The following PANK4 variants were observed in gnomAD, a reference collection of about 807,000 sequenced individuals.
PANK4 encodes the protein 4'-phosphopantetheine phosphatase.
PANK4 carries 40 observed loss-of-function variants against 87.9 expected under a neutral mutation model. The ratio of observed to expected loss-of-function variants is 0.46; its 90% CI spans 0.35 to 0.59. The LOEUF (loss-of-function observed/expected upper bound fraction) is 0.59. PANK4 is among the 20% of genes least tolerant of loss of function. The pLI, the probability that PANK4 is intolerant of heterozygous loss-of-function variation, is 0.00. For synonymous variants in PANK4, 524 were observed against 467.4 expected (o/e 1.12, Z -1.56); for missense variants, 926 against 1,072.3 (o/e 0.86, Z 1.90).
intron 12 of PANK4, 39 bp downstream of exon 12, chr1:2,513,963 G>A: frequency 1.4e-6 from 2 of 1,436,640 alleles, no homozygotes; most frequent in South Asian, 2.3e-5. Context: ...GCGGGACGGG[G>A]ACAAGAGCGA....
chr1:2,508,544 A>AAATTT lies in PANK4; in HGVS notation c.*302_*303insAAATT, dbSNP rs1296104859. 1.8e-5 allele frequency: 3 copies of AAATTT among 165,086 alleles called. No individual in the cohort carries two copies. The highest frequency in any genetic ancestry group is 7.2e-5 in the African/African-American group (3 of 41,672). 10.2% of individuals were successfully genotyped at this position (165,086 alleles called of 1,614,324 possible). ...ATCGCAGATGGCTCCGGCCTCTTTT[A>AAATTT]AAAACTCTATTTGGTGCGTGCCCAC... On this transcript the variant is annotated 3_prime_UTR_variant, in exon 19 of 19. Coordinates refer to ENST00000378466, the MANE Select transcript of PANK4 (RefSeq NM_018216.4). The surrounding 1 kb of genome is among the most constrained non-coding windows in gnomAD (Gnocchi z 5.1).
chr1:2,517,972 G>A (rs1643812859), intron 9 of PANK4, among the ~76,000 whole-genome samples, 192 bp downstream of exon 9: 2 of 152,206 alleles, frequency 1.3e-5, no homozygotes, highest in South Asian at 4.1e-4. Flanking sequence ...ACCCAATGAG[G>A]GAGATGGGAA....
In PANK4 at chr1:2,520,924, AC is replaced by A; in HGVS notation, c.423-19del. ...TGTCGACTCTGAAAAGGAAGCGCCA[AC>A]CCCTTAAAGAGTCTGGGCCACAGAC... On this transcript the variant is annotated intron_variant, in intron 3 of 18. Coordinates refer to ENST00000378466, the MANE Select transcript of PANK4 (RefSeq NM_018216.4). This position sits in a 1 kb window ranked among gnomAD's most constrained non-coding sequence, Gnocchi z 6.2. 1 of 1,542,634 alleles carries A rather than the reference AC, an allele frequency of 6.5e-7. No homozygotes were observed. Among genetic ancestry groups the A allele is most frequent in the Non-Finnish European group, 8.7e-7 (1 of 1,145,870 alleles).
Position 2,509,845 on chromosome 1 carries a change from G to C in PANK4, c.2108+17C>G. ...AGAGCCCAGGAGGGAGAGAACAGGT[G>C]CAGGGTGCGGGGTTACCTGAGGTCG... On this transcript the variant is annotated intron_variant, in intron 18 of 18. Coordinates refer to ENST00000378466, the MANE Select transcript of PANK4 (RefSeq NM_018216.4). The surrounding 1 kb of genome is among the most constrained non-coding windows in gnomAD (Gnocchi z 4.9). 6.2e-7 allele frequency: 1 copy of C among 1,607,182 alleles called. No homozygotes were observed. The highest frequency in any genetic ancestry group is 8.5e-7 in the Non-Finnish European group (1 of 1,176,440).
rs762448493 is a variant in PANK4, at chr1:2,510,152, G to A, written c.1944C>T (p.Ile648=). The A allele has an allele frequency of 3.1e-6, 5 of 1,598,208 alleles. No homozygotes were observed. The highest frequency in any genetic ancestry group is 2.6e-6 in the Non-Finnish European group (3 of 1,170,458). The change falls in exon 17 of 19, where the codon ATC becomes ATT. Residue 648 remains isoleucine, a synonymous_variant. Transcript: ENST00000378466. The surrounding 1 kb of genome is among the most constrained non-coding windows in gnomAD (Gnocchi z 4.9). ...RELLLRGTEV[I]LACNSGPALN... ...GGGCGGGGCCTGAGTTGCACGCCAG[G>A]ATGACCTGCAGGAGGAGGGCCCAGG...
chr1:2,510,785 G>C lies in PANK4; in HGVS notation c.1834-3C>G. On this transcript the variant is annotated splice_polypyrimidine_tract_variant and splice_region_variant and intron_variant, in intron 15 of 18. Transcript: ENST00000378466. This position sits in a 1 kb window ranked among gnomAD's most constrained non-coding sequence, Gnocchi z 4.9. ...AAGGCACATTTATGAGGGGGCCCCTGTAAGACAAAACCAGGACGTTCAGTT... is the reference window on the plus strand; with the variant it reads ...AAGGCACATTTATGAGGGGGCCCCTCTAAGACAAAACCAGGACGTTCAGTT... 6.3e-7 allele frequency: 1 copy of C among 1,579,838 alleles called. No individual in the cohort carries two copies. The highest frequency in any genetic ancestry group is 8.7e-7 in the Non-Finnish European group (1 of 1,149,558).
chr1:2,522,632 AAAC>A (rs149353037), intron 1 of PANK4, among the ~76,000 whole-genome samples: 5,366 of 151,654 alleles, frequency 0.035, 244 homozygotes, highest in African/African-American at 0.11. Context: ...CATAGATTTG[AAAC>A]AACATGAATG....
At chr1:2,513,131 C>T in intron 12 of PANK4, 92 bp from the exon 13 acceptor site, 1 of 1,392,126 alleles carries the variant, frequency 7.2e-7, no homozygotes, top group Non-Finnish European at 9.8e-7. Context: ...CATACCACGC[C>T]CCTCAGGATC....
Position 2,514,384 on chromosome 1 carries a change from T to C in PANK4, c.1457A>G (p.Asn486Ser), listed in dbSNP as rs1557439659. 8 of 1,612,456 alleles carry C rather than the reference T, an allele frequency of 5.0e-6. No individual in the cohort carries two copies. Among genetic ancestry groups the C allele is most frequent in the South Asian group, 1.1e-5 (1 of 91,058 alleles). The change falls in exon 11 of 19, where the codon AAC (asparagine) becomes AGC (serine). Residue 486 changes from asparagine to serine, a missense_variant. By Grantham distance (46) the Asn-to-Ser change is conservative. Coordinates refer to ENST00000378466, the MANE Select transcript of PANK4 (RefSeq NM_018216.4). Reference protein sequence around the residue: ...RAEKFRQKYWNKLQTLRQQPF... With the variant: ...RAEKFRQKYWSKLQTLRQQPF... ...CTGCTGCCTCAGGGTCTGAAGCTTG[T>C]TCCAGTACTTCTGCCGGAACTTCTC...
rs1276407961 is a variant in PANK4, at chr1:2,519,034, C to T, written c.1035+109G>A. On this transcript the variant is annotated intron_variant, in intron 7 of 18. Transcript: ENST00000378466. The surrounding 1 kb of genome is among the most constrained non-coding windows in gnomAD (Gnocchi z 8.3). ...GGAGGGGTGCTGGGCTTCTTGGCCC[C>T]CACCCTCCAGGCCTCCCTGGGGGTG... The T allele has an allele frequency of 1.9e-6, 2 of 1,073,644 alleles. No individual in the cohort carries two copies. The highest frequency in any genetic ancestry group is 2.7e-6 in the Non-Finnish European group (2 of 734,262). 66.5% of individuals were successfully genotyped at this position (1,073,644 alleles called of 1,614,324 possible). A position where few individuals can be genotyped will look rare whatever the true frequency, so the allele number is the denominator to read the frequency against.
At chr1:2,524,132 G>A (rs781330365) in intron 1 of PANK4, among the ~76,000 whole-genome samples, 2 of 152,222 alleles carry the variant, frequency 1.3e-5, no homozygotes, top group African/African-American at 4.8e-5. Flanking sequence ...ACAGCCCGCA[G>A]AAACCTAAAA....
rs12068466 is a variant in PANK4, at chr1:2,515,551, G to A, written c.1374+11C>T. The A allele has an allele frequency of 0.012, 19,002 of 1,611,796 alleles. 398 individuals are homozygous for A. The highest frequency in any genetic ancestry group is 0.083 in the African/African-American group (6,191 of 74,998). Reference sequence around the variant, plus strand: ...CCTTGGAATCGTCTAGACGGCACCCGGAGCCCTCACCCCGTCCAGGGCCTC... The same window carrying A: ...CCTTGGAATCGTCTAGACGGCACCCAGAGCCCTCACCCCGTCCAGGGCCTC... On this transcript the variant is annotated intron_variant, in intron 10 of 18. Coordinates refer to ENST00000378466, the MANE Select transcript of PANK4 (RefSeq NM_018216.4). This position sits in a 1 kb window ranked among gnomAD's most constrained non-coding sequence, Gnocchi z 5.0.
chr1:2,510,870 C>CA lies in PANK4; in HGVS notation c.1834-89dup. ...CCCTGCTGCCCGTCACGCTGCCCTG[C>CA]AGGGGCCGAGACTGGGGGCTTCAGG... On this transcript the variant is annotated intron_variant, in intron 15 of 18. Transcript: ENST00000378466. This position sits in a 1 kb window ranked among gnomAD's most constrained non-coding sequence, Gnocchi z 4.9. 1.2e-6 allele frequency: 1 copy of CA among 812,758 alleles called. No individual in the cohort carries two copies. Among genetic ancestry groups the CA allele is most frequent in the South Asian group, 1.4e-5 (1 of 70,928 alleles). The allele number at this position is 812,758 out of a possible 1,614,324, so 50.3% of individuals were successfully genotyped here.
chr1:2,513,774 C>T (rs1231837918), intron 12 of PANK4, among the ~76,000 whole-genome samples: 1 of 152,206 alleles, frequency 6.6e-6, no homozygotes, highest in African/African-American at 2.4e-5. Context: ...CAGCAGTCCC[C>T]ACCCCTAAGT....
rs548273593 is a variant in PANK4, at chr1:2,516,862, C to G, written c.1219-1145G>C. ...CCTGACAAATGGGTTCAAATCTTCG[C>G]TTTGACTTTTTTGGACAATATAAAC... On this transcript the variant is annotated intron_variant, in intron 9 of 18. Transcript: ENST00000378466. 2.0e-5 allele frequency among the ~76,000 whole-genome samples: 3 copies of G among 152,358 alleles called. No individual in the cohort carries two copies. In the South Asian group the frequency reaches 6.2e-4, roughly 32 times the overall value.
At chr1:2,525,903 T>C (rs561162959) in intron 1 of PANK4, 1 of 151,780 alleles carries the variant, frequency 6.6e-6, no homozygotes, top group South Asian at 2.1e-4. Context: ...CGGCGTCCAC[T>C]CTCCAGAGAG....
rs185365527 is a variant in PANK4, at chr1:2,519,489, A to T, written c.854-165T>A. ...GAGCTGAGTGGGGGAACTGGAGCCC[A>T]AGTGCGGGAGGCTGCGTGTGATGTG... On this transcript the variant is annotated intron_variant, in intron 6 of 18. Coordinates refer to ENST00000378466, the MANE Select transcript of PANK4 (RefSeq NM_018216.4). The surrounding 1 kb of genome is among the most constrained non-coding windows in gnomAD (Gnocchi z 8.3). Among the ~76,000 whole-genome samples the T allele has an allele frequency of 3.0e-4, 45 of 151,668 alleles. No individual in the cohort carries two copies. Among genetic ancestry groups the T allele is most frequent in the African/African-American group, 1.0e-3 (43 of 41,336 alleles).
intron 9 of PANK4, among the ~76,000 whole-genome samples, chr1:2,516,403 C>T (rs932195898): frequency 6.6e-6 from 1 of 152,246 alleles, no homozygotes; most frequent in Non-Finnish European, 1.5e-5. Flanking sequence ...CTGGCTTTTT[C>T]TACCTTATGC....
chr1:2,513,158 C>T, intron 12 of PANK4, 119 bp from the exon 13 acceptor site: 4 of 1,072,128 alleles, frequency 3.7e-6, no homozygotes, highest in Non-Finnish European at 5.4e-6. Context: ...TCAGGCCCAA[C>T]TGGGACCCCA....
Sources: allele counts gnomAD v4.1 joint callset (sites outside exome capture counted in the v4.1 genomes callset), GRCh38; gene constraint gnomAD v4.1.1; non-coding constraint Gnocchi (gnomAD v3.1); transcripts MANE v1.5; gene names NCBI Gene and HGNC (gene_info 2026-07-23, HGNC 2026-07-21).